Variants in PEX5L observed in about 807,000 individuals in gnomAD.
The protein encoded by PEX5L is peroxisomal biogenesis factor 5 like, also known as PEX5-related protein.
PEX5L carries 30 observed loss-of-function variants against 84.0 expected under a neutral mutation model. That is an observed-to-expected ratio of 0.36 (90% confidence interval 0.27 to 0.48). PEX5L has a LOEUF of 0.48. Ranked by LOEUF, PEX5L falls within the 20% of genes least tolerant of loss-of-function variation. The probability of loss-of-function intolerance (pLI) is 0.99; values close to 1 mark genes in which losing one functional copy is unlikely to be tolerated. For missense variants in PEX5L, 533 were observed against 754.6 expected (o/e 0.71, Z 3.44); for synonymous variants, 270 against 283.1 (o/e 0.95, Z 0.46).
intron 2 of PEX5L, among the ~76,000 whole-genome samples, chr3:179,938,675 A>T (rs1490962537): frequency 6.6e-6 from 1 of 152,236 alleles, no homozygotes; most frequent in African/African-American, 2.4e-5. Context: ...CTCTCAACAT[A>T]GACATGCCTC....
At chr3:180,020,084 C>T (rs1246602107) in intron 1 of PEX5L, among the ~76,000 whole-genome samples, 1 of 152,098 alleles carries the variant, frequency 6.6e-6, no homozygotes, top group Non-Finnish European at 1.5e-5. Flanking sequence ...GAAAATTTCC[C>T]CCATGTCTTC....
chr3:179,819,583 T>C (rs1727634391), intron 9 of PEX5L, among the ~76,000 whole-genome samples: 1 of 152,202 alleles, frequency 6.6e-6, no homozygotes, highest in Non-Finnish European at 1.5e-5. Context: ...GCTAGTTCAG[T>C]AACTGGCTAG....
At chr3:179,998,608 C>T (rs1359997312) in intron 1 of PEX5L, among the ~76,000 whole-genome samples, 4 of 152,136 alleles carry the variant, frequency 2.6e-5, no homozygotes, top group Non-Finnish European at 4.4e-5. Flanking sequence ...GGAAACTGAA[C>T]GTTTGACAAT....
intron 8 of PEX5L, among the ~76,000 whole-genome samples, chr3:179,850,867 G>A (rs565628969): frequency 6.6e-6 from 1 of 152,300 alleles, no homozygotes; most frequent in East Asian, 1.9e-4. Flanking sequence ...GAAAATTTGA[G>A]GAGGTGCTAG....
intron 2 of PEX5L, among the ~76,000 whole-genome samples, chr3:179,914,616 T>C (rs1211417510): frequency 1.3e-5 from 2 of 152,246 alleles, no homozygotes; most frequent in African/African-American, 2.4e-5. Context: ...TGATAGGTGA[T>C]ATATCTGCCT....
At chr3:179,989,896 T>C (rs1460133751) in intron 1 of PEX5L, among the ~76,000 whole-genome samples, 1 of 152,250 alleles carries the variant, frequency 6.6e-6, no homozygotes, top group East Asian at 1.9e-4. Context: ...TGTTATTTTA[T>C]ACCATAAAAT....
chr3:179,955,814 A>G (rs568698480), intron 2 of PEX5L, among the ~76,000 whole-genome samples: 3 of 152,180 alleles, frequency 2.0e-5, no homozygotes, highest in Non-Finnish European at 4.4e-5. Flanking sequence ...AATCACTCAA[A>G]AAACCCAATG....
intron 1 of PEX5L, among the ~76,000 whole-genome samples, chr3:179,983,484 A>G (rs1159422923): frequency 1.3e-5 from 2 of 152,016 alleles, no homozygotes; most frequent in Non-Finnish European, 2.9e-5. Flanking sequence ...GTACTAAGAA[A>G]TTGTTTGTCA....
chr3:179,913,515 G>GT (rs1765901245), intron 2 of PEX5L, among the ~76,000 whole-genome samples: 1 of 151,984 alleles, frequency 6.6e-6, no homozygotes, highest in African/African-American at 2.4e-5. Context: ...TTGCAGACAT[G>GT]TTTTTTCTTT....
At chr3:179,953,189 T>C (rs1448823531) in intron 2 of PEX5L, among the ~76,000 whole-genome samples, 1 of 152,174 alleles carries the variant, frequency 6.6e-6, no homozygotes, top group Non-Finnish European at 1.5e-5. Context: ...GACATAGGCA[T>C]GGGCAAAGAC....
chr3:179,918,720 T>G (rs1031106270), intron 2 of PEX5L, among the ~76,000 whole-genome samples: 1 of 152,228 alleles, frequency 6.6e-6, no homozygotes, highest in Non-Finnish European at 1.5e-5. Flanking sequence ...TGTGGGCATT[T>G]GAGAATCATT....
intron 2 of PEX5L, among the ~76,000 whole-genome samples, chr3:179,938,067 A>G (rs1775086521): frequency 6.6e-6 from 1 of 151,976 alleles, no homozygotes. Flanking sequence ...CTAACACCAT[A>G]CAATTATGGA....
At chr3:179,982,376 A>G (rs1278400268) in intron 1 of PEX5L, among the ~76,000 whole-genome samples, 1 of 152,192 alleles carries the variant, frequency 6.6e-6, no homozygotes, top group African/African-American at 2.4e-5. Flanking sequence ...AGATCACAGT[A>G]TCCCAGTGAA....
chr3:179,986,570 T>G (rs1346561237), intron 1 of PEX5L, among the ~76,000 whole-genome samples: 1 of 151,734 alleles, frequency 6.6e-6, no homozygotes, highest in Admixed American at 6.6e-5. Flanking sequence ...GCCCGGCTAA[T>G]TTTTTGTATT....
rs75691144 is a variant in PEX5L, at chr3:179,956,761, C to T, written c.93+14833G>A. Among the ~76,000 whole-genome samples, 170 of 152,222 alleles carry T rather than the reference C, an allele frequency of 1.1e-3. 1 individual carries two copies. Among genetic ancestry groups the T allele is most frequent in the Middle Eastern group, 0.01 (3 of 294 alleles). On this transcript the variant is annotated intron_variant, in intron 2 of 14. Coordinates refer to ENST00000467460, the MANE Select transcript of PEX5L (RefSeq NM_016559.3). ...TTAAACCTGAGGTTTTACGGAGCGACGCAACATGCACGGTGCCATCTCCAG... is the reference window on the plus strand; with the variant it reads ...TTAAACCTGAGGTTTTACGGAGCGATGCAACATGCACGGTGCCATCTCCAG...
intron 3 of PEX5L, 117 bp from the exon 4 acceptor site, chr3:179,887,901 C>CATAA: frequency 1.4e-6 from 1 of 731,856 alleles, no homozygotes; most frequent in South Asian, 1.8e-5. Flanking sequence ...TAAATAAATA[C>CATAA]ATAAATAAAT....
Position 179,976,964 on chromosome 3 carries a change from G to C in PEX5L, c.22-5299C>G, listed in dbSNP as rs1480572683. On this transcript the variant is annotated intron_variant, in intron 1 of 14. Transcript: ENST00000467460. ...TAATTCATGAAGCAAGAAAGTAACA[G>C]CAACGATCCTTTGGAGAGAAACTGG... is the stretch of plus-strand genomic sequence containing the variant. Among the ~76,000 whole-genome samples the C allele has an allele frequency of 3.3e-5, 5 of 152,118 alleles. No homozygotes were observed. The East Asian group carries it at 9.6e-4, about 29-fold the overall frequency.
intron 2 of PEX5L, among the ~76,000 whole-genome samples, chr3:179,952,406 G>C (rs117224365): frequency 6.6e-6 from 1 of 152,042 alleles, no homozygotes; most frequent in South Asian, 2.1e-4. Context: ...AGAAAAGGTC[G>C]GGGGGTGTGG....
At chr3:179,973,375 T>C (rs1407770159) in intron 1 of PEX5L, 8 of 1,125,128 alleles carry the variant, frequency 7.1e-6, no homozygotes, top group East Asian at 1.4e-4. Context: ...TCCTGAATCA[T>C]TGTCTTGACT....
Sources: gnomAD v4.1 joint callset for allele counts (sites outside exome capture counted in the v4.1 genomes callset) on GRCh38, gnomAD v4.1.1 for gene constraint, MANE v1.5 for transcripts, NCBI Gene and HGNC (gene_info 2026-07-23, HGNC 2026-07-21) for gene names.